Variants in SGCZ observed in about 807,000 individuals in gnomAD.
SGCZ encodes the protein zeta-sarcoglycan.
A neutral mutation model predicts 41.3 loss-of-function variants in SGCZ; 40 were observed. The ratio of observed to expected loss-of-function variants is 0.97; its 90% CI spans 0.75 to 1.26. SGCZ has a LOEUF of 1.26. Among genes scored for constraint, SGCZ ranks in the 50% most tolerant of loss-of-function variants. The pLI, the probability that SGCZ is intolerant of heterozygous loss-of-function variation, is 0.00. For missense variants in SGCZ, 552 were observed against 369.8 expected (o/e 1.49, Z -4.04); for synonymous variants, 206 against 137.5 (o/e 1.50, Z -3.49).
At chr8:14,705,577 T>A (rs1809307406) in intron 1 of SGCZ, among the ~76,000 whole-genome samples, 1 of 151,984 alleles carries the variant, frequency 6.6e-6, no homozygotes, top group South Asian at 2.1e-4. Flanking sequence ...TAGATCAAAA[T>A]GTTTCTATTT....
chr8:14,203,156 C>T (rs1481820744), intron 4 of SGCZ, among the ~76,000 whole-genome samples: 1 of 152,160 alleles, frequency 6.6e-6, no homozygotes, highest in Non-Finnish European at 1.5e-5. Flanking sequence ...TTGTAAATTG[C>T]CCAGTCCCAG....
At chr8:14,565,174 T>G (rs1804320921) in intron 1 of SGCZ, among the ~76,000 whole-genome samples, 1 of 152,220 alleles carries the variant, frequency 6.6e-6, no homozygotes, top group Non-Finnish European at 1.5e-5. Context: ...AAAACAACTT[T>G]TATTTAAAAT....
At position 14,535,171 on chromosome 8, in the gene SGCZ, T is replaced by A. The variant is rs62498418; in HGVS notation, c.234+19561A>T. Reference sequence around the variant, plus strand: ...GGCTCAACTGATATTATTAAAATTATGAGTTATTTAGATTTGATTACTTAA... The same window carrying A: ...GGCTCAACTGATATTATTAAAATTAAGAGTTATTTAGATTTGATTACTTAA... On this transcript the variant is annotated intron_variant, in intron 2 of 7. Transcript: ENST00000382080. 2.6e-3 allele frequency among the ~76,000 whole-genome samples: 395 copies of A among 152,112 alleles called. 1 individual carries two copies. Among genetic ancestry groups the A allele is most frequent in the Middle Eastern group, 0.014 (4 of 292 alleles).
intron 3 of SGCZ, among the ~76,000 whole-genome samples, chr8:14,279,212 G>C (rs1417190045): frequency 6.6e-6 from 1 of 151,922 alleles, no homozygotes; most frequent in African/African-American, 2.4e-5. Flanking sequence ...GAAAAGTAGA[G>C]TTTACTTTTG....
chr8:15,193,872 C>G (rs1293935281), intron 1 of SGCZ, among the ~76,000 whole-genome samples: 25 of 152,040 alleles, frequency 1.6e-4, no homozygotes, highest in Admixed American at 1.6e-3. Flanking sequence ...TAACCAGGGA[C>G]CTCATTTTGA....
intron 1 of SGCZ, among the ~76,000 whole-genome samples, chr8:15,134,314 T>TTTG (rs1554463551): frequency 7.0e-6 from 1 of 142,548 alleles, no homozygotes; most frequent in Non-Finnish European, 1.5e-5. Context: ...CTTTTTTTTT[T>TTTG]TTGTTTCTTT....
intron 3 of SGCZ, among the ~76,000 whole-genome samples, chr8:14,252,968 G>T (rs1585282988): frequency 6.6e-6 from 1 of 152,046 alleles, no homozygotes; most frequent in African/African-American, 2.4e-5. Context: ...GTTGCCTGTG[G>T]GATTTTATTT....
intron 2 of SGCZ, among the ~76,000 whole-genome samples, chr8:14,437,702 G>C (rs1212759244): frequency 6.6e-6 from 1 of 151,538 alleles, no homozygotes; most frequent in Non-Finnish European, 1.5e-5. Flanking sequence ...GTTTAGAATT[G>C]ATAAATAAAA....
chr8:14,889,981 G>C (rs1182518639), intron 1 of SGCZ, among the ~76,000 whole-genome samples: 1 of 152,064 alleles, frequency 6.6e-6, no homozygotes, highest in Non-Finnish European at 1.5e-5. Flanking sequence ...CACCAAGGGA[G>C]GCCAAGGCAG....
chr8:15,086,592 C>G (rs1463213784), intron 1 of SGCZ, among the ~76,000 whole-genome samples: 1 of 152,036 alleles, frequency 6.6e-6, no homozygotes, highest in Non-Finnish European at 1.5e-5. Flanking sequence ...ACAATGTGTA[C>G]ATAGTGAAGC....
intron 2 of SGCZ, among the ~76,000 whole-genome samples, chr8:14,419,975 G>A (rs1020666549): frequency 1.1e-4 from 16 of 151,994 alleles, no homozygotes; most frequent in African/African-American, 3.6e-4. Context: ...CAATTCCTTG[G>A]GCTGAGCACC....
intron 1 of SGCZ, among the ~76,000 whole-genome samples, chr8:14,870,536 C>G (rs1804111179): frequency 6.6e-6 from 1 of 152,138 alleles, no homozygotes. Flanking sequence ...GCAAAGACTT[C>G]ATGACTGAAA....
chr8:14,795,774 G>C (rs1026716384), intron 1 of SGCZ, among the ~76,000 whole-genome samples: 1 of 151,930 alleles, frequency 6.6e-6, no homozygotes, highest in Admixed American at 6.6e-5. Flanking sequence ...TATCACCCAG[G>C]TTTTAAGCCT....
intron 1 of SGCZ, among the ~76,000 whole-genome samples, chr8:14,831,713 A>G (rs1802534816): frequency 6.6e-6 from 1 of 151,818 alleles, no homozygotes; most frequent in Non-Finnish European, 1.5e-5. Flanking sequence ...CTCATTTTCT[A>G]AAAAACGTCT....
intron 1 of SGCZ, among the ~76,000 whole-genome samples, chr8:14,573,445 C>A (rs946475819): frequency 3.3e-5 from 5 of 152,022 alleles, no homozygotes; most frequent in African/African-American, 1.2e-4. Context: ...GCCTCGGCCT[C>A]CCAAAGTGCT....
At chr8:14,192,435 T>C (rs1466979263) in intron 4 of SGCZ, among the ~76,000 whole-genome samples, 1 of 151,962 alleles carries the variant, frequency 6.6e-6, no homozygotes, top group Non-Finnish European at 1.5e-5. Flanking sequence ...TGTTTTCTCA[T>C]GTATAATTTG....
chr8:15,194,112 G>C (rs751519159), intron 1 of SGCZ, among the ~76,000 whole-genome samples: 7 of 151,020 alleles, frequency 4.6e-5, no homozygotes, highest in Non-Finnish European at 8.8e-5. Context: ...AATAAATATA[G>C]TTTACAAGTA....
intron 1 of SGCZ, among the ~76,000 whole-genome samples, chr8:14,581,674 C>T (rs1804893912): frequency 6.6e-6 from 1 of 152,076 alleles, no homozygotes. Context: ...TACTATTCTT[C>T]TCTAAGAACA....
chr8:14,788,191 G>A (rs1800833047), intron 1 of SGCZ, among the ~76,000 whole-genome samples: 1 of 152,094 alleles, frequency 6.6e-6, no homozygotes, highest in African/African-American at 2.4e-5. Flanking sequence ...AAAGGACTAA[G>A]TCTTCTATCT....
Sources: gnomAD v4.1 joint callset for allele counts (sites outside exome capture counted in the v4.1 genomes callset) on GRCh38, gnomAD v4.1.1 for gene constraint, MANE v1.5 for transcripts, NCBI Gene and HGNC (gene_info 2026-07-23, HGNC 2026-07-21) for gene names.